The following CTNNA3 variants were observed in gnomAD, a reference collection of about 807,000 sequenced individuals.
CTNNA3 encodes the protein catenin alpha-3.
A neutral mutation model predicts 95.7 loss-of-function variants in CTNNA3; 76 were observed. The ratio of observed to expected loss-of-function variants is 0.79; its 90% CI spans 0.66 to 0.96. CTNNA3 has a LOEUF of 0.96. Ranked by LOEUF, CTNNA3 falls within the 40% of genes least tolerant of loss-of-function variation. The probability of loss-of-function intolerance (pLI) is 0.00; values close to 1 mark genes in which losing one functional copy is unlikely to be tolerated. For missense variants in CTNNA3, 1,191 were observed against 1,089.8 expected (o/e 1.09, Z -1.31); for synonymous variants, 431 against 374.4 (o/e 1.15, Z -1.74).
intron 11 of CTNNA3, among the ~76,000 whole-genome samples, chr10:66,507,332 T>C (rs1840485371): frequency 6.6e-6 from 1 of 152,132 alleles, no homozygotes; most frequent in African/African-American, 2.4e-5. Context: ...TCACCTCAAG[T>C]CATTATCATT....
At chr10:67,400,036 A>G (rs1318513345) in intron 5 of CTNNA3, among the ~76,000 whole-genome samples, 3 of 152,072 alleles carry the variant, frequency 2.0e-5, no homozygotes, top group South Asian at 2.1e-4. Flanking sequence ...ATCATTTAGC[A>G]TTAGGTATAT....
At chr10:67,014,892 AT>A (rs943165979) in intron 7 of CTNNA3, among the ~76,000 whole-genome samples, 9 of 152,126 alleles carry the variant, frequency 5.9e-5, no homozygotes, top group African/African-American at 1.4e-4. Flanking sequence ...TTTGAAAAAA[AT>A]GAAATCAAAT....
chr10:67,079,708 C>T (rs961278155), intron 7 of CTNNA3, among the ~76,000 whole-genome samples: 5 of 151,910 alleles, frequency 3.3e-5, no homozygotes, highest in Admixed American at 6.6e-5. Flanking sequence ...ACTAGCCAGG[C>T]GTGGTGGCGG....
intron 3 of CTNNA3, among the ~76,000 whole-genome samples, chr10:67,600,609 G>A (rs985987964): frequency 6.6e-6 from 1 of 152,136 alleles, no homozygotes; most frequent in Non-Finnish European, 1.5e-5. Context: ...GGAGCAGTTG[G>A]AGCTCGTATT....
chr10:65,947,124 C>A (rs1164594432), intron 17 of CTNNA3, among the ~76,000 whole-genome samples: 1 of 147,620 alleles, frequency 6.8e-6, no homozygotes, highest in African/African-American at 2.5e-5. Flanking sequence ...ATCCATTACT[C>A]ATCAGCTATA....
chr10:66,371,430 T>C (rs1214071167), intron 12 of CTNNA3, among the ~76,000 whole-genome samples: 8 of 152,174 alleles, frequency 5.3e-5, no homozygotes, highest in African/African-American at 1.9e-4. Flanking sequence ...CATAATACCT[T>C]GTTTAATAAA....
intron 10 of CTNNA3, among the ~76,000 whole-genome samples, chr10:66,532,999 A>G (rs1446713895): frequency 6.6e-6 from 1 of 152,162 alleles, no homozygotes; most frequent in Non-Finnish European, 1.5e-5. Flanking sequence ...CACGATCATT[A>G]TCTCTCAGTG....
chr10:67,374,696 G>T (rs187400129), intron 5 of CTNNA3, among the ~76,000 whole-genome samples: 1 of 152,150 alleles, frequency 6.6e-6, no homozygotes, highest in African/African-American at 2.4e-5. Context: ...CTAGTGAGGT[G>T]ACTTTTGAAC....
rs375552523 is a variant in CTNNA3 at position 66,707,601 on chromosome 10, T to C, written c.1281+58663A>G. Among the ~76,000 whole-genome samples, 177 of 152,198 alleles carry C rather than the reference T, an allele frequency of 1.2e-3. 1 individual carries two copies. The highest frequency in any genetic ancestry group is 0.01 in the Middle Eastern group (3 of 294). The stretch of plus-strand genomic sequence containing the variant: ...AACATGTTGGGAGTGCCAAGTATCC[T>C]TAAGATTACATCCTTGGACTAGAGA... On this transcript the variant is annotated intron_variant, in intron 9 of 17. Transcript: ENST00000433211.
chr10:66,189,895 C>T (rs2086578883), intron 13 of CTNNA3, among the ~76,000 whole-genome samples: 1 of 151,656 alleles, frequency 6.6e-6, no homozygotes, highest in Non-Finnish European at 1.5e-5. Flanking sequence ...CTGGTATTGT[C>T]TTAAATTTTC....
At chr10:67,728,076 A>ATGTAT (rs1841252936) in intron 1 of CTNNA3, among the ~76,000 whole-genome samples, 1 of 140,294 alleles carries the variant, frequency 7.1e-6, no homozygotes, top group African/African-American at 2.7e-5. Flanking sequence ...ATTACATATT[A>ATGTAT]TATATTATAT....
intron 5 of CTNNA3, among the ~76,000 whole-genome samples, chr10:67,365,628 C>T (rs1177880749): frequency 1.3e-5 from 2 of 152,160 alleles, no homozygotes; most frequent in Non-Finnish European, 2.9e-5. Context: ...TGAAAAAATG[C>T]TCATCATCAC....
At chr10:67,607,075 TAAATTGAC>T (rs1482092012) in intron 2 of CTNNA3, 26 bp from the exon 3 acceptor site, 1 of 1,541,066 alleles carries the variant, frequency 6.5e-7, no homozygotes, top group African/African-American at 1.4e-5. Flanking sequence ...TACAAAGTAC[TAAATTGAC>T]AAATTGTAAG....
intron 9 of CTNNA3, among the ~76,000 whole-genome samples, chr10:66,626,317 C>G (rs1288092929): frequency 6.6e-6 from 1 of 152,070 alleles, no homozygotes; most frequent in Non-Finnish European, 1.5e-5. Context: ...CGAAGCAAAC[C>G]TTGATGTTTG....
intron 7 of CTNNA3, chr10:66,926,287 AC>A (rs1847069118): frequency 2.7e-6 from 1 of 374,100 alleles, no homozygotes; most frequent in Non-Finnish European, 5.0e-6. Flanking sequence ...CCCCCTCCCC[AC>A]CCCCCAAAAA....
chr10:66,258,695 T>G (rs1031555013), intron 13 of CTNNA3, among the ~76,000 whole-genome samples: 1 of 152,056 alleles, frequency 6.6e-6, no homozygotes, highest in African/African-American at 2.4e-5. Context: ...GCTTTAGACC[T>G]AGTATCCTAG....
At chr10:66,964,852 A>G (rs528300460) in intron 7 of CTNNA3, among the ~76,000 whole-genome samples, 1 of 152,292 alleles carries the variant, frequency 6.6e-6, no homozygotes, top group Admixed American at 6.5e-5. Flanking sequence ...GCTCACAGAA[A>G]AGTCAAGTTC....
intron 11 of CTNNA3, among the ~76,000 whole-genome samples, chr10:66,486,667 G>A (rs184610209): frequency 6.6e-6 from 1 of 152,200 alleles, no homozygotes; most frequent in Non-Finnish European, 1.5e-5. Flanking sequence ...ACTAATATAT[G>A]ATCCCACAAT....
chr10:66,173,551 T>C (rs528267572), intron 13 of CTNNA3, among the ~76,000 whole-genome samples: 16 of 151,372 alleles, frequency 1.1e-4, no homozygotes, highest in Non-Finnish European at 2.4e-4. Flanking sequence ...GGCATGGTGG[T>C]ATGCATTTCT....
Sources: gnomAD v4.1 joint callset for allele counts (sites outside exome capture counted in the v4.1 genomes callset) on GRCh38, gnomAD v4.1.1 for gene constraint, MANE v1.5 for transcripts, NCBI Gene and HGNC (gene_info 2026-07-23, HGNC 2026-07-21) for gene names.